The following DAB2IP variants were observed in gnomAD, a reference collection of about 807,000 sequenced individuals.
DAB2IP encodes the protein DAB2 interacting protein.
A neutral mutation model predicts 107.2 loss-of-function variants in DAB2IP; 28 were observed. That is an observed-to-expected ratio of 0.26 (90% CI 0.19 to 0.36). The LOEUF (loss-of-function observed/expected upper bound fraction) is 0.36. DAB2IP is among the 10% of genes least tolerant of loss of function. The pLI is 1.00. For synonymous variants in DAB2IP, 755 were observed against 706.4 expected (o/e 1.07, Z -1.09); for missense variants, 1,400 against 1,644.7 (o/e 0.85, Z 2.57).
At chr9:121,703,314 G>A (rs1265383689) in intron 3 of DAB2IP, among the ~76,000 whole-genome samples, 2 of 152,220 alleles carry the variant, frequency 1.3e-5, no homozygotes, top group Non-Finnish European at 2.9e-5. Context: ...GACAGTAAGT[G>A]CAGGCAGGAC....
At chr9:121,637,029 G>A (rs780659519) in intron 1 of DAB2IP, among the ~76,000 whole-genome samples, 14 of 152,154 alleles carry the variant, frequency 9.2e-5, no homozygotes, top group Non-Finnish European at 1.9e-4. Flanking sequence ...TGGACACTTT[G>A]TTTTGTAATG....
At chr9:121,629,854 C>T (rs1394275792) in intron 1 of DAB2IP, among the ~76,000 whole-genome samples, 1 of 152,192 alleles carries the variant, frequency 6.6e-6, no homozygotes. Context: ...ACAAATCCTC[C>T]TCTTTTCCCT....
chr9:121,741,292 G>T (rs1832323644), intron 3 of DAB2IP, among the ~76,000 whole-genome samples: 1 of 152,124 alleles, frequency 6.6e-6, no homozygotes, highest in Non-Finnish European at 1.5e-5. Context: ...TATGGCTGAT[G>T]CAGAACTCCC....
At chr9:121,705,832 C>T (rs1184624983) in intron 3 of DAB2IP, among the ~76,000 whole-genome samples, 1 of 152,176 alleles carries the variant, frequency 6.6e-6, no homozygotes, top group Admixed American at 6.5e-5. Flanking sequence ...TTCCAGGCCC[C>T]ATATTAGAAT....
rs2119149555 is a variant in DAB2IP at position 121,684,004 on chromosome 9, A to G, written c.228+5223A>G. On this transcript the variant is annotated intron_variant, in intron 2 of 15. Transcript: ENST00000408936. This position sits in a 1 kb window ranked among gnomAD's most constrained non-coding sequence, Gnocchi z 4.0. ...TTCCCCTGCAGGATACAAGAACCAC[A>G]GTGGATGATGGCTGTGAGTGGAGCT... Among the ~76,000 whole-genome samples the G allele has an allele frequency of 6.6e-6, 1 of 152,238 alleles. No individual in the cohort carries two copies. Among genetic ancestry groups the G allele is most frequent in the African/African-American group, 2.4e-5 (1 of 41,530 alleles).
intron 3 of DAB2IP, among the ~76,000 whole-genome samples, chr9:121,755,247 G>A (rs1177882680): frequency 6.6e-6 from 1 of 151,986 alleles, no homozygotes; most frequent in Admixed American, 6.5e-5. Flanking sequence ...GTGGTGGTGT[G>A]GCGGTGTGGC....
intron 3 of DAB2IP, among the ~76,000 whole-genome samples, chr9:121,708,618 AG>A (rs768064330): frequency 3.3e-5 from 5 of 152,242 alleles, no homozygotes; most frequent in Non-Finnish European, 7.3e-5. Context: ...TCCAGTGCTC[AG>A]CCCACCTGTG....
chr9:121,777,882 T>C (rs1054456286), intron 14 of DAB2IP, among the ~76,000 whole-genome samples: 2 of 152,252 alleles, frequency 1.3e-5, no homozygotes, highest in African/African-American at 4.8e-5. Context: ...ACTTTCTTTA[T>C]CCCTTGAAAT....
At chr9:121,743,127 T>G (rs1796417006) in intron 3 of DAB2IP, among the ~76,000 whole-genome samples, 2 of 152,188 alleles carry the variant, frequency 1.3e-5, no homozygotes, top group Admixed American at 1.3e-4. Flanking sequence ...CCTGGCGAGC[T>G]GGGGAGCCCT....
At chr9:121,707,052 C>T (rs564707297) in intron 3 of DAB2IP, among the ~76,000 whole-genome samples, 17 of 152,314 alleles carry the variant, frequency 1.1e-4, no homozygotes, top group Non-Finnish European at 2.1e-4. Context: ...TCCCTTCCTC[C>T]CCTCCCTGTG....
At chr9:121,752,185 T>C (rs568043715) in intron 3 of DAB2IP, among the ~76,000 whole-genome samples, 6 of 152,230 alleles carry the variant, frequency 3.9e-5, no homozygotes, top group South Asian at 4.1e-4. Context: ...GGAATGAACA[T>C]TGGAATGCTG....
At chr9:121,773,454 G>A in exon 12 of DAB2IP, 1 of 1,538,736 alleles carries the variant, frequency 6.5e-7, no homozygotes, top group Non-Finnish European at 8.7e-7. Flanking sequence ...TTCCTCCAAG[G>A]GGGACAGCCC....
chr9:121,725,445 C>A (rs1831186701), intron 3 of DAB2IP, among the ~76,000 whole-genome samples: 1 of 152,160 alleles, frequency 6.6e-6, no homozygotes, highest in African/African-American at 2.4e-5. Flanking sequence ...TTAGATTTGG[C>A]CTCTTTGACC....
chr9:121,572,032 G>C (rs947170852), intron 1 of DAB2IP, among the ~76,000 whole-genome samples: 2 of 152,128 alleles, frequency 1.3e-5, no homozygotes, highest in African/African-American at 4.8e-5. Flanking sequence ...CCTTGGAGCT[G>C]TGTGAAAAGT....
Position 121,699,472 on chromosome 9 carries a change from C to T in DAB2IP, c.362+14C>T, listed in dbSNP as rs1474318512. 5.3e-6 allele frequency: 7 copies of T among 1,324,430 alleles called. No individual in the cohort carries two copies. Among genetic ancestry groups the T allele is most frequent in the Non-Finnish European group, 4.9e-6 (5 of 1,028,492 alleles). 82.0% of individuals were successfully genotyped at this position (1,324,430 alleles called of 1,614,324 possible). On this transcript the variant is annotated intron_variant, in intron 3 of 15. Transcript: ENST00000408936. This position sits in a 1 kb window ranked among gnomAD's most constrained non-coding sequence, Gnocchi z 6.2. Reference sequence around the variant, plus strand: ...GGACAATGAGAGGTGAGCCCGCCGCCGCCGCCCGGTCCCCCGCGCCGCCGC... The same window carrying T: ...GGACAATGAGAGGTGAGCCCGCCGCTGCCGCCCGGTCCCCCGCGCCGCCGC...
chr9:121,571,662 T>C (rs1829945514), intron 1 of DAB2IP, among the ~76,000 whole-genome samples: 1 of 152,080 alleles, frequency 6.6e-6, no homozygotes, highest in Non-Finnish European at 1.5e-5. Context: ...CCATCAGGTG[T>C]TCAGAGGCTG....
At chr9:121,708,316 T>C (rs936816011) in intron 3 of DAB2IP, among the ~76,000 whole-genome samples, 4 of 152,220 alleles carry the variant, frequency 2.6e-5, no homozygotes, top group African/African-American at 9.6e-5. Flanking sequence ...CATTCCCTGG[T>C]TGATGTCAAG....
chr9:121,775,622 G>T (rs1178089568), intron 13 of DAB2IP, among the ~76,000 whole-genome samples: 4 of 152,214 alleles, frequency 2.6e-5, no homozygotes, highest in Non-Finnish European at 4.4e-5. Context: ...GATGGTTGGG[G>T]TCTGTGCTGG....
chr9:121,631,341 G>A (rs1327326272), intron 1 of DAB2IP, among the ~76,000 whole-genome samples: 17 of 152,058 alleles, frequency 1.1e-4, no homozygotes, highest in East Asian at 1.9e-4. Flanking sequence ...ATTGGATTTG[G>A]GCCTTGAAAA....
Sources: allele counts gnomAD v4.1 joint callset (sites outside exome capture counted in the v4.1 genomes callset), GRCh38; gene constraint gnomAD v4.1.1; non-coding constraint Gnocchi (gnomAD v3.1); transcripts MANE v1.5; gene names NCBI Gene and HGNC (gene_info 2026-07-23, HGNC 2026-07-21).